The following VPS8 variants were observed in gnomAD, a reference collection of about 807,000 sequenced individuals.
VPS8 encodes the protein vacuolar protein sorting-associated protein 8 homolog.
Under a neutral mutation model 216.4 loss-of-function variants are expected in VPS8, and 129 were observed. The ratio of observed to expected loss-of-function variants is 0.60; its 90% CI spans 0.52 to 0.69. VPS8 has a LOEUF of 0.69. Ranked by LOEUF, VPS8 falls within the 30% of genes least tolerant of loss-of-function variation. The pLI is 0.00. For synonymous variants in VPS8, 571 were observed against 565.4 expected, an observed-to-expected ratio of 1.01 and a Z score of -0.14; for missense variants, 1,531 against 1,683.5, an observed-to-expected ratio of 0.91 and a Z score of 1.59.
At chr3:184,912,051 T>C (rs753619649) in intron 25 of VPS8, among the ~76,000 whole-genome samples, 3 of 152,224 alleles carry the variant, frequency 2.0e-5, no homozygotes, top group Non-Finnish European at 4.4e-5. Context: ...CTGTAACCAT[T>C]CGTCCTTTTA....
At chr3:184,950,965 C>G (rs1007261648) in intron 36 of VPS8, among the ~76,000 whole-genome samples, 2 of 152,130 alleles carry the variant, frequency 1.3e-5, no homozygotes, top group Non-Finnish European at 2.9e-5. Flanking sequence ...TCCAGTCTAT[C>G]ATTGATGGGC....
At chr3:184,836,434 A>G (rs571586044) in intron 5 of VPS8, 2 of 394,412 alleles carry the variant, frequency 5.1e-6, no homozygotes, top group Non-Finnish European at 5.0e-6. Flanking sequence ...AGACTGAGCT[A>G]AAACTCAGAC....
intron 28 of VPS8, among the ~76,000 whole-genome samples, chr3:184,915,809 A>AAAAAAAG (rs1014127786): frequency 1.3e-5 from 2 of 152,218 alleles, no homozygotes; most frequent in Non-Finnish European, 2.9e-5. Flanking sequence ...ACTCTGTCTC[A>AAAAAAAG]AAAAAAGAAA....
intron 30 of VPS8, 108 bp from the exon 31 acceptor site, chr3:184,926,486 C>G (rs114184709): frequency 9.1e-7 from 1 of 1,102,688 alleles, no homozygotes; most frequent in African/African-American, 1.6e-5. Flanking sequence ...TTTGTTATGT[C>G]TGGGTGTGAA....
chr3:185,037,515 T>A lies in VPS8; in HGVS notation c.4057-10964T>A, dbSNP rs930885730. On this transcript the variant is annotated intron_variant, in intron 46 of 47. Transcript: ENST00000625842. ...GAATGTGTAGGTTATTGTTTTTCAATGAACGTAGGACATTTTTAGCCATAA... is the reference window on the plus strand; with the variant it reads ...GAATGTGTAGGTTATTGTTTTTCAAAGAACGTAGGACATTTTTAGCCATAA... Among the ~76,000 whole-genome samples the A allele has an allele frequency of 2.0e-5, 3 of 152,200 alleles. No homozygotes were observed. In the East Asian group the frequency reaches 5.8e-4, roughly 29 times the overall value.
intron 44 of VPS8, among the ~76,000 whole-genome samples, chr3:184,997,223 T>C (rs1752730941): frequency 6.6e-6 from 1 of 152,190 alleles, no homozygotes; most frequent in African/African-American, 2.4e-5. Context: ...TCATCTAGAA[T>C]GTATGGATAG....
intron 42 of VPS8, 59 bp from the exon 43 acceptor site, chr3:184,993,924 C>T: frequency 7.6e-7 from 1 of 1,322,614 alleles, no homozygotes; most frequent in Admixed American, 2.8e-5. Flanking sequence ...AGATAACTTA[C>T]ATTTTAAAGT....
intron 14 of VPS8, 94 bp downstream of exon 14, chr3:184,855,912 A>T: frequency 1.0e-6 from 1 of 970,574 alleles, no homozygotes; most frequent in Non-Finnish European, 1.5e-6. Context: ...TTACTATCCT[A>T]AGTCTTTGGA....
chr3:184,933,991 C>T (rs548667224), intron 34 of VPS8, among the ~76,000 whole-genome samples: 35 of 152,218 alleles, frequency 2.3e-4, no homozygotes, highest in African/African-American at 7.5e-4. Context: ...TTTTTAACTT[C>T]GTGATTATGA....
At chr3:185,032,120 C>T (rs556691519) in intron 46 of VPS8, among the ~76,000 whole-genome samples, 3 of 151,954 alleles carry the variant, frequency 2.0e-5, no homozygotes, top group African/African-American at 4.8e-5. Flanking sequence ...GCTGAGATTG[C>T]GCCATTGCAC....
chr3:184,885,445 C>T (rs1352264305), intron 21 of VPS8, among the ~76,000 whole-genome samples: 6 of 152,116 alleles, frequency 3.9e-5, no homozygotes, highest in East Asian at 1.9e-4. Flanking sequence ...TTACTTGATA[C>T]GTGTGTGTAC....
intron 1 of VPS8, among the ~76,000 whole-genome samples, chr3:184,818,513 A>G (rs565801015): frequency 1.4e-5 from 2 of 144,098 alleles, no homozygotes; most frequent in East Asian, 4.6e-4. Context: ...CAGAGGGGGA[A>G]CCTGTCTCAA....
intron 1 of VPS8, among the ~76,000 whole-genome samples, chr3:184,822,082 T>C (rs772332195): frequency 2.2e-4 from 33 of 152,092 alleles, no homozygotes; most frequent in Admixed American, 3.9e-4. Flanking sequence ...TCAGAAAAGG[T>C]AAACAAATTA....
chr3:184,885,871 T>G lies in VPS8; in HGVS notation c.1735-239T>G, dbSNP rs2108869544. ...TAGAAAGATGCAGTGAACACCTTAATGCATTAAAATAATTTTTATTCTTAA... is the reference window on the plus strand; with the variant it reads ...TAGAAAGATGCAGTGAACACCTTAAGGCATTAAAATAATTTTTATTCTTAA... On this transcript the variant is annotated intron_variant, in intron 21 of 47. Transcript: ENST00000625842. 4 of 419,526 alleles carry G rather than the reference T, an allele frequency of 9.5e-6. No homozygotes were observed. In the South Asian group the frequency reaches 1.5e-4, roughly 16 times the overall value. 26.0% of individuals were successfully genotyped at this position (419,526 alleles called of 1,614,324 possible).
intron 40 of VPS8, among the ~76,000 whole-genome samples, chr3:184,974,945 T>C (rs1437622571): frequency 2.0e-5 from 3 of 152,158 alleles, no homozygotes; most frequent in Non-Finnish European, 2.9e-5. Context: ...TACTGTGCTG[T>C]TTTGGTTATT....
chr3:184,824,575 G>A lies in VPS8; in HGVS notation c.-58G>A. ...ATCATTCAGGTCTTCGTGAGCTAAG[G>A]CCAAACAAACAAAAAACACTTGCTT... is the stretch of plus-strand genomic sequence containing the variant. On this transcript the variant is annotated 5_prime_UTR_variant, in exon 2 of 48. Coordinates refer to ENST00000625842, the MANE Select transcript of VPS8 (RefSeq NM_001009921.3). 1 of 1,555,390 alleles carries A rather than the reference G, an allele frequency of 6.4e-7. No individual in the cohort carries two copies. The highest frequency in any genetic ancestry group is 8.7e-7 in the Non-Finnish European group (1 of 1,145,220).
chr3:184,930,742 T>G (rs1740535765), intron 34 of VPS8, among the ~76,000 whole-genome samples, 174 bp downstream of exon 34: 1 of 152,232 alleles, frequency 6.6e-6, no homozygotes, highest in Admixed American at 6.5e-5. Flanking sequence ...CTGTGTCACA[T>G]GCAATCTATT....
chr3:184,902,165 A>G (rs1734624831), intron 25 of VPS8, among the ~76,000 whole-genome samples: 1 of 133,658 alleles, frequency 7.5e-6, no homozygotes, highest in Non-Finnish European at 1.5e-5. Flanking sequence ...GGTTGTCTTC[A>G]TATTATTGAA....
intron 29 of VPS8, among the ~76,000 whole-genome samples, chr3:184,923,210 T>G (rs566115256): frequency 8.5e-5 from 13 of 152,190 alleles, no homozygotes; most frequent in African/African-American, 3.1e-4. Flanking sequence ...ATACCCTGAT[T>G]TGTTGTAGAG....
Sources: allele counts gnomAD v4.1 joint callset (sites outside exome capture counted in the v4.1 genomes callset), GRCh38; gene constraint gnomAD v4.1.1; transcripts MANE v1.5; gene names NCBI Gene and HGNC (gene_info 2026-07-23, HGNC 2026-07-21).